CCDC15: variants seen among roughly 807,000 people sequenced by gnomAD.
CCDC15 encodes the protein coiled-coil domain containing 15, also known as coiled-coil domain-containing protein 15.
A neutral mutation model predicts 114.5 loss-of-function variants in CCDC15; 105 were observed. That is an observed-to-expected ratio of 0.92 (90% CI 0.78 to 1.08). CCDC15 has a LOEUF of 1.08. CCDC15 is among the 50% of genes least tolerant of loss of function. CCDC15 has a pLI of 0.00. For synonymous variants in CCDC15, 334 were observed against 377.8 expected, an observed-to-expected ratio of 0.88 and a Z score of 1.34; for missense variants, 1,105 against 1,093.6, an observed-to-expected ratio of 1.01 and a Z score of -0.15.
rs1398593158 is a variant in CCDC15, at chr11:124,991,492, T to C, written c.1940T>C (p.Met647Thr). Residue 647 changes from methionine to threonine, a missense_variant, in exon 9 of 16, where the codon ATG becomes ACG. Transcript: ENST00000344762. Reference protein sequence around the residue: ...KVHFKEPYSDMTDEKGREDFS... With the variant: ...KVHFKEPYSDTTDEKGREDFS... ...CACTTTAAGGAGCCATACTCTGATA[T>C]GACAGATGAGAAAGGGAGAGAAGAC... 1 of 1,599,916 alleles carries C rather than the reference T, an allele frequency of 6.3e-7. No individual in the cohort carries two copies.
At chr11:124,991,184 C>A (rs1431218204) in intron 8 of CCDC15, among the ~76,000 whole-genome samples, 3 of 152,160 alleles carry the variant, frequency 2.0e-5, no homozygotes, top group Non-Finnish European at 2.9e-5. Context: ...ATCTTCTATG[C>A]AGGCATCATC....
chr11:124,972,373 A>T (rs1237600048), intron 4 of CCDC15, among the ~76,000 whole-genome samples: 1 of 152,202 alleles, frequency 6.6e-6, no homozygotes, highest in Non-Finnish European at 1.5e-5. Context: ...TATACATACA[A>T]ATGTATATAT....
At chr11:125,023,499 T>C (rs1003631484) in intron 13 of CCDC15, among the ~76,000 whole-genome samples, 2 of 152,000 alleles carry the variant, frequency 1.3e-5, no homozygotes, top group Non-Finnish European at 2.9e-5. Context: ...TAAATTAACA[T>C]TTCTCTCAGG....
At chr11:124,962,279 A>G (rs988779986) in intron 4 of CCDC15, among the ~76,000 whole-genome samples, 3 of 152,212 alleles carry the variant, frequency 2.0e-5, no homozygotes, top group African/African-American at 7.2e-5. Context: ...CACTTTCTGA[A>G]TGTTAGTACA....
At position 124,954,423 on chromosome 11, in the gene CCDC15, G is replaced by T. The variant is rs146914473; in HGVS notation, c.-10+53G>T. ...TTGCAGCTGTCATTCCTCCCTTCCC[G>T]CCTCGCTGCGCCCACAGCTGAGGAC... On this transcript the variant is annotated intron_variant, in intron 1 of 15. Transcript: ENST00000344762. The T allele has an allele frequency of 3.5e-3, 680 of 195,562 alleles. 3 individuals are homozygous for T. Among genetic ancestry groups the T allele is most frequent in the Non-Finnish European group, 5.0e-3 (462 of 92,906 alleles). The allele number at this position is 195,562 out of a possible 1,614,324, so 12.1% of individuals were successfully genotyped here. A position where few individuals can be genotyped will look rare whatever the true frequency, so the allele number is the denominator to read the frequency against.
intron 11 of CCDC15, among the ~76,000 whole-genome samples, chr11:124,995,699 G>A (rs181298220): frequency 6.6e-6 from 1 of 152,228 alleles, no homozygotes; most frequent in Admixed American, 6.5e-5. Context: ...GACGCATGGG[G>A]CATTCACAAA....
intron 4 of CCDC15, among the ~76,000 whole-genome samples, chr11:124,963,961 G>A (rs1331684846): frequency 6.6e-6 from 1 of 152,156 alleles, no homozygotes; most frequent in Non-Finnish European, 1.5e-5. Context: ...TAGATGTGTG[G>A]TGTTATTTCT....
At chr11:124,963,143 T>C (rs1057183853) in intron 4 of CCDC15, among the ~76,000 whole-genome samples, 11 of 152,210 alleles carry the variant, frequency 7.2e-5, no homozygotes, top group Admixed American at 6.5e-5. Flanking sequence ...TTATAATCCT[T>C]TGGGTATATA....
chr11:124,987,221 C>T lies in CCDC15; in HGVS notation c.995C>T (p.Ala332Val). Residue 332 changes from alanine to valine, a missense_variant, in exon 8 of 16, where the codon GCC becomes GTC. Physicochemically the swap from Ala to Val is moderately conservative, Grantham distance 64. Transcript: ENST00000344762. ...FEGLQDILPE[A>V]QDYFLEAQGD... ...GGCCTTCAGGATATTCTGCCAGAAG[C>T]CCAGGATTATTTTCTAGAAGCCCAA... 1 of 1,545,564 alleles carries T rather than the reference C, an allele frequency of 6.5e-7. No homozygotes were observed. The highest frequency in any genetic ancestry group is 8.7e-7 in the Non-Finnish European group (1 of 1,152,896).
chr11:124,968,738 G>A (rs375274880), intron 4 of CCDC15, among the ~76,000 whole-genome samples: 5 of 152,224 alleles, frequency 3.3e-5, no homozygotes, highest in Admixed American at 6.5e-5. Context: ...CTTCTGCGTC[G>A]ATCACGCTGG....
intron 11 of CCDC15, among the ~76,000 whole-genome samples, chr11:124,996,314 C>T (rs553030933): frequency 9.9e-5 from 15 of 152,280 alleles, no homozygotes; most frequent in South Asian, 2.1e-4. Flanking sequence ...AACTTTCATA[C>T]GGAAAATAAA....
At chr11:125,015,292 A>C (rs1159592917) in intron 13 of CCDC15, among the ~76,000 whole-genome samples, 2 of 152,134 alleles carry the variant, frequency 1.3e-5, no homozygotes, top group Non-Finnish European at 2.9e-5. Flanking sequence ...GAGGAAATCA[A>C]AGACAAAAGT....
chr11:125,013,661 A>G (rs908002697), intron 13 of CCDC15, among the ~76,000 whole-genome samples: 2 of 152,190 alleles, frequency 1.3e-5, no homozygotes, highest in East Asian at 1.9e-4. Context: ...AATGGTTAGT[A>G]CCATTAACGT....
At chr11:125,029,669 A>G (rs1364051926) in intron 13 of CCDC15, among the ~76,000 whole-genome samples, 1 of 152,210 alleles carries the variant, frequency 6.6e-6, no homozygotes, top group Non-Finnish European at 1.5e-5. Flanking sequence ...ACATTCTTCT[A>G]CTACCCATTT....
intron 11 of CCDC15, among the ~76,000 whole-genome samples, chr11:124,994,015 C>T (rs528415230): frequency 4.6e-5 from 7 of 152,304 alleles, no homozygotes; most frequent in African/African-American, 1.7e-4. Flanking sequence ...AGTATAATGT[C>T]TGCTTTTATG....
intron 13 of CCDC15, among the ~76,000 whole-genome samples, chr11:125,009,227 C>CAA (rs5795440): frequency 7.2e-6 from 1 of 138,862 alleles, no homozygotes; most frequent in South Asian, 2.3e-4. Context: ...AACTCCGTCT[C>CAA]AAAAAAAAAA....
At chr11:124,965,751 C>A (rs1050254635) in intron 4 of CCDC15, among the ~76,000 whole-genome samples, 1 of 152,178 alleles carries the variant, frequency 6.6e-6, no homozygotes, top group Non-Finnish European at 1.5e-5. Context: ...GATTTTAGAT[C>A]TTTCCTGCTT....
At chr11:124,998,007 G>A (rs1948404772) in intron 11 of CCDC15, among the ~76,000 whole-genome samples, 1 of 152,112 alleles carries the variant, frequency 6.6e-6, no homozygotes, top group African/African-American at 2.4e-5. Context: ...CATGGAAACT[G>A]GGGGAAAGGT....
intron 6 of CCDC15, 32 bp from the exon 7 acceptor site, chr11:124,986,710 C>CGCGT: frequency 1.4e-6 from 2 of 1,423,546 alleles, no homozygotes; most frequent in Non-Finnish European, 1.9e-6. Flanking sequence ...TGCGCGCGCG[C>CGCGT]GCGTGCGCGT....
Sources: allele counts gnomAD v4.1 joint callset (sites outside exome capture counted in the v4.1 genomes callset), GRCh38; gene constraint gnomAD v4.1.1; transcripts MANE v1.5; gene names NCBI Gene and HGNC (gene_info 2026-07-23, HGNC 2026-07-21).